Variants in ZNF736 observed in about 807,000 individuals in gnomAD.
ZNF736 encodes the protein KRAB-containing zinc-finger repressor protein.
A neutral mutation model predicts 11.7 loss-of-function variants in ZNF736; 6 were observed. That is an observed-to-expected ratio of 0.51 (90% CI 0.28 to 1.01). The LOEUF (loss-of-function observed/expected upper bound fraction) is 1.01, where lower values mean the gene tolerates loss of function less well. ZNF736 is among the 50% of genes least tolerant of loss of function. ZNF736 has a pLI of 0.09. For synonymous variants in ZNF736, 139 were observed against 164.7 expected (o/e 0.84, Z 1.19); for missense variants, 444 against 496.0 (o/e 0.90, Z 1.00).
intron 3 of ZNF736, among the ~76,000 whole-genome samples, chr7:64,347,659 C>A (rs1271686430): frequency 1.3e-5 from 2 of 152,152 alleles, no homozygotes; most frequent in African/African-American, 4.8e-5. Flanking sequence ...CAGTGCATAC[C>A]ACCTTTCCTT....
intron 1 of ZNF736, among the ~76,000 whole-genome samples, chr7:64,327,910 CTTG>C (rs1332644655): frequency 2.0e-5 from 3 of 152,096 alleles, no homozygotes; most frequent in Non-Finnish European, 4.4e-5. Flanking sequence ...ATGTCTTAAA[CTTG>C]TTGTGGTTAG....
At chr7:64,341,543 T>G (rs1169253220) in intron 3 of ZNF736, among the ~76,000 whole-genome samples, 6 of 152,162 alleles carry the variant, frequency 3.9e-5, no homozygotes, top group Non-Finnish European at 8.8e-5. Context: ...AATCTTTTGC[T>G]TCCTTAGATG....
intron 1 of ZNF736, among the ~76,000 whole-genome samples, chr7:64,330,199 C>T (rs1039309333): frequency 8.5e-5 from 13 of 152,060 alleles, no homozygotes; most frequent in African/African-American, 1.4e-4. Context: ...CTCTGTAGCC[C>T]AGGCTGGAGT....
chr7:64,354,714 G>A lies in ZNF736; in HGVS notation c.*5567G>A, dbSNP rs779684356. On this transcript the variant is annotated 3_prime_UTR_variant, in exon 4 of 4. Coordinates refer to ENST00000423484, the MANE Select transcript of ZNF736 (RefSeq NM_001170905.3). ...TTTCACGTGAGTAATTTCACAGTGCGTGTATTGTATGTTATTTAGTGTATT... is the reference window on the plus strand; with the variant it reads ...TTTCACGTGAGTAATTTCACAGTGCATGTATTGTATGTTATTTAGTGTATT... 1.8e-4 allele frequency: 27 copies of A among 152,204 alleles called. No homozygotes were observed. Among genetic ancestry groups the A allele is most frequent in the South Asian group, 4.1e-4 (2 of 4,826 alleles). 9.4% of individuals were successfully genotyped at this position (152,204 alleles called of 1,614,324 possible). A position where few individuals can be genotyped will look rare whatever the true frequency, so the allele number is the denominator to read the frequency against.
chr7:64,348,093 G>T lies in ZNF736; in HGVS notation c.230G>T (p.Gly77Val). 6.7e-7 allele frequency: 1 copy of T among 1,499,690 alleles called. No homozygotes were observed. Among genetic ancestry groups the T allele is most frequent in the Non-Finnish European group, 8.9e-7 (1 of 1,128,598 alleles). The allele number at this position is 1,499,690 out of a possible 1,614,324, so 92.9% of individuals were successfully genotyped here. ...RQEAVAKHPA[G>V]SFHFTAEILP... ...GAATTTTATTTTTTTTCTCCAGCTG[G>T]TTCTTTTCATTTTACTGCAGAGATA... Residue 77 changes from glycine to valine, a missense_variant, in exon 4 of 4, where the codon GGT (glycine) becomes GTT (valine). Coordinates refer to ENST00000423484, the MANE Select transcript of ZNF736 (RefSeq NM_001170905.3).
At chr7:64,329,789 C>A (rs1789135169) in intron 1 of ZNF736, among the ~76,000 whole-genome samples, 1 of 152,162 alleles carries the variant, frequency 6.6e-6, no homozygotes, top group Non-Finnish European at 1.5e-5. Flanking sequence ...CACTCAAGAC[C>A]CAAGTTCTCT....
At chr7:64,342,212 A>G (rs1789346652) in intron 3 of ZNF736, among the ~76,000 whole-genome samples, 1 of 152,050 alleles carries the variant, frequency 6.6e-6, no homozygotes, top group East Asian at 1.9e-4. Flanking sequence ...TATGTTAGAG[A>G]GGAGTAGGGA....
intron 1 of ZNF736, among the ~76,000 whole-genome samples, chr7:64,332,328 A>G (rs1028407858): frequency 6.6e-6 from 1 of 152,198 alleles, no homozygotes; most frequent in African/African-American, 2.4e-5. Context: ...GTGACATCAC[A>G]TATTGGTAGG....
chr7:64,351,320 G>A lies in ZNF736; in HGVS notation c.*2173G>A, dbSNP rs1218439296. On this transcript the variant is annotated 3_prime_UTR_variant, in exon 4 of 4. Coordinates refer to ENST00000423484, the MANE Select transcript of ZNF736 (RefSeq NM_001170905.3). ...TGGTGGGGCAAGCAAAGCCAAACCTGCCTTTGCAGACATGTGCCAGCAAAG... is the reference window on the plus strand; with the variant it reads ...TGGTGGGGCAAGCAAAGCCAAACCTACCTTTGCAGACATGTGCCAGCAAAG... 1 of 152,308 alleles carries A rather than the reference G, an allele frequency of 6.6e-6. No individual in the cohort carries two copies. The highest frequency in any genetic ancestry group is 1.5e-5 in the Non-Finnish European group (1 of 68,074). 9.4% of individuals were successfully genotyped at this position (152,308 alleles called of 1,614,324 possible).
intron 3 of ZNF736, 70 bp from the exon 4 acceptor site, chr7:64,348,020 G>T: frequency 8.2e-7 from 1 of 1,226,308 alleles, no homozygotes; most frequent in Non-Finnish European, 1.1e-6. Flanking sequence ...TAATTGCTTT[G>T]TATAATTATA....
Position 64,347,247 on chromosome 7 carries a change from T to C in ZNF736, c.227-843T>C, listed in dbSNP as rs1448381868. Among the ~76,000 whole-genome samples, 402 of 140,362 alleles carry C rather than the reference T, an allele frequency of 2.9e-3. 4 individuals carry two copies. The highest frequency in any genetic ancestry group is 9.9e-3 in the African/African-American group (358 of 36,054). 92.1% of individuals were successfully genotyped at this position (140,362 alleles called of 152,430 possible). On this transcript the variant is annotated intron_variant, in intron 3 of 3. Transcript: ENST00000423484. ...TTTTTTTTTTTTTTTTTTTTGAGTG[T>C]TACTCTTGTTGCCCAGACTGGAGTG...
intron 1 of ZNF736, among the ~76,000 whole-genome samples, chr7:64,327,939 T>A (rs1789104420): frequency 1.3e-5 from 2 of 152,224 alleles, no homozygotes; most frequent in South Asian, 4.1e-4. Context: ...TTAATAACTA[T>A]AACTGCCTCA....
chr7:64,328,063 C>T (rs184233839), intron 1 of ZNF736, among the ~76,000 whole-genome samples: 1 of 146,236 alleles, frequency 6.8e-6, no homozygotes, highest in Non-Finnish European at 1.5e-5. Context: ...GAATAGTTTA[C>T]ACACCACATT....
At chr7:64,334,299 A>T (rs1317685859) in intron 1 of ZNF736, among the ~76,000 whole-genome samples, 2 of 152,212 alleles carry the variant, frequency 1.3e-5, no homozygotes, top group Admixed American at 6.5e-5. Context: ...GACAAATGGG[A>T]TCTAATTAAA....
intron 3 of ZNF736, among the ~76,000 whole-genome samples, chr7:64,337,756 G>GTT (rs569147961): frequency 0.041 from 4,626 of 112,254 alleles, 193 homozygotes; most frequent in East Asian, 0.19. Flanking sequence ...GTTTTTTTTG[G>GTT]TTTTTTTTTT....
chr7:64,348,935 A>C lies in ZNF736; in HGVS notation c.1072A>C (p.Asn358His), dbSNP rs1789450140. ...KAFTRSSTLF[N>H]HKRIHMEERP... ...CTTTACCCGCTCCTCAACCCTTTTT[A>C]ACCACAAGAGAATTCATATGGAAGA... The change falls in exon 4 of 4, where the codon AAC becomes CAC. Residue 358 changes from asparagine (N) to histidine (H), a missense_variant. Transcript: ENST00000423484. 6.3e-7 allele frequency: 1 copy of C among 1,599,806 alleles called. No homozygotes were observed. Among genetic ancestry groups the C allele is most frequent in the African/African-American group, 1.3e-5 (1 of 74,340 alleles).
chr7:64,346,142 T>C (rs1194693290), intron 3 of ZNF736, among the ~76,000 whole-genome samples: 4 of 152,226 alleles, frequency 2.6e-5, no homozygotes, highest in African/African-American at 9.6e-5. Flanking sequence ...GAAAACTGTC[T>C]TGTATTTATA....
rs1193265686 is a variant in ZNF736, at chr7:64,354,816, T to G, written c.*5669T>G. ...TACTGTTCATTTTACTTTATAAAAT[T>G]GACATAATTGAGTTTATTAAATTTA... On this transcript the variant is annotated 3_prime_UTR_variant, in exon 4 of 4. Transcript: ENST00000423484. The G allele has an allele frequency of 3.9e-5, 6 of 152,250 alleles. No homozygotes were observed. Among genetic ancestry groups the G allele is most frequent in the Non-Finnish European group, 8.8e-5 (6 of 68,044 alleles). 9.4% of individuals were successfully genotyped at this position (152,250 alleles called of 1,614,324 possible).
chr7:64,337,127 A>T lies in ZNF736; in HGVS notation c.226+145A>T, dbSNP rs1789262785. The T allele has an allele frequency of 5.5e-6, 4 of 723,198 alleles. No homozygotes were observed. In the African/African-American group the frequency reaches 7.2e-5, roughly 13 times the overall value. 44.8% of individuals were successfully genotyped at this position (723,198 alleles called of 1,614,324 possible). A position where few individuals can be genotyped will look rare whatever the true frequency, so the allele number is the denominator to read the frequency against. On this transcript the variant is annotated intron_variant, in intron 3 of 3. Coordinates refer to ENST00000423484, the MANE Select transcript of ZNF736 (RefSeq NM_001170905.3). ...CTTCATTTCTTTCTCTTGCTTTAACATAGGGACATTTTTTGTCCCATTCTT... is the reference window on the plus strand; with the variant it reads ...CTTCATTTCTTTCTCTTGCTTTAACTTAGGGACATTTTTTGTCCCATTCTT...
Sources: gnomAD v4.1 joint callset for allele counts (sites outside exome capture counted in the v4.1 genomes callset) on GRCh38, gnomAD v4.1.1 for gene constraint, MANE v1.5 for transcripts, NCBI Gene and HGNC (gene_info 2026-07-23, HGNC 2026-07-21) for gene names.